Variants in CPNE4 observed in about 807,000 individuals in gnomAD.
CPNE4 encodes copine 4.
In CPNE4, 25 loss-of-function variants were observed where a neutral mutation model predicts 67.9. The ratio of observed to expected loss-of-function variants is 0.37; its 90% CI spans 0.27 to 0.51. The LOEUF (loss-of-function observed/expected upper bound fraction) is 0.51, where lower values mean the gene tolerates loss of function less well. Among genes scored for constraint, CPNE4 ranks in the 20% least tolerant of loss-of-function variants. CPNE4 has a pLI of 0.93. For synonymous variants in CPNE4, 242 were observed against 244.9 expected, an observed-to-expected ratio of 0.99 and a Z score of 0.11; for missense variants, 464 against 690.8, an observed-to-expected ratio of 0.67 and a Z score of 3.68.
intron 2 of CPNE4, among the ~76,000 whole-genome samples, chr3:131,790,960 C>A (rs1185473431): frequency 6.6e-6 from 1 of 152,018 alleles, no homozygotes; most frequent in Non-Finnish European, 1.5e-5. Flanking sequence ...AAAAAATTTC[C>A]ATAACTCAAA....
At chr3:132,027,952 G>T (rs771236489) in intron 1 of CPNE4, among the ~76,000 whole-genome samples, 1 of 152,038 alleles carries the variant, frequency 6.6e-6, no homozygotes, top group Non-Finnish European at 1.5e-5. Flanking sequence ...GATTGTTTCA[G>T]ACCCATCACT....
At chr3:131,880,947 A>C (rs2087650924) in intron 2 of CPNE4, among the ~76,000 whole-genome samples, 1 of 152,208 alleles carries the variant, frequency 6.6e-6, no homozygotes, top group South Asian at 2.1e-4. Context: ...TTGCACTCTA[A>C]GAAAAAAGTA....
chr3:131,801,900 G>A (rs114828212), intron 2 of CPNE4, among the ~76,000 whole-genome samples: 1,102 of 21,810 alleles, frequency 0.051, 1 homozygote, highest in Middle Eastern at 0.1. Context: ...AAAAAAAAAA[G>A]AATGTAGACA....
chr3:132,008,680 T>A (rs1113077), intron 1 of CPNE4, among the ~76,000 whole-genome samples: 90,280 of 152,146 alleles, frequency 0.59, 27,643 homozygotes, highest in South Asian at 0.7. Flanking sequence ...CCATAAATTC[T>A]TTTATGAAGA....
chr3:131,949,269 C>T (rs2071649400), intron 1 of CPNE4, among the ~76,000 whole-genome samples: 1 of 152,096 alleles, frequency 6.6e-6, no homozygotes, highest in East Asian at 1.9e-4. Flanking sequence ...TAAGGTACTC[C>T]CTTCACCCAC....
chr3:131,844,345 C>T (rs896666870), intron 2 of CPNE4, among the ~76,000 whole-genome samples: 7 of 151,702 alleles, frequency 4.6e-5, no homozygotes, highest in African/African-American at 1.7e-4. Flanking sequence ...CAGCTCACTG[C>T]AACCTCTGCC....
At chr3:131,759,328 G>A (rs2082832825) in intron 2 of CPNE4, among the ~76,000 whole-genome samples, 2 of 152,160 alleles carry the variant, frequency 1.3e-5, no homozygotes, top group African/African-American at 4.8e-5. Flanking sequence ...ACCCTCATCA[G>A]AATCCTCATC....
At chr3:131,612,809 T>C (rs1046501473) in intron 7 of CPNE4, among the ~76,000 whole-genome samples, 2 of 152,190 alleles carry the variant, frequency 1.3e-5, no homozygotes, top group African/African-American at 2.4e-5. Context: ...TTAAAACCTA[T>C]TTCCTATTGT....
chr3:131,905,788 G>A (rs1583433390), intron 1 of CPNE4, among the ~76,000 whole-genome samples: 1 of 152,180 alleles, frequency 6.6e-6, no homozygotes, highest in African/African-American at 2.4e-5. Flanking sequence ...TGTATGGCTT[G>A]TGTGAAATTG....
rs79903768 is a variant in CPNE4, at chr3:131,641,788, T to C, written c.681+27887A>G. On this transcript the variant is annotated intron_variant, in intron 7 of 15. Transcript: ENST00000429747. ...ACCCATCAATCAACCAGTGGATAAA[T>C]TGTGGTATTTATATATACCATGGAA... Among the ~76,000 whole-genome samples the C allele has an allele frequency of 4.5e-3, 680 of 152,186 alleles. 7 individuals carry two copies. The highest frequency in any genetic ancestry group is 0.014 in the African/African-American group (596 of 41,550).
intron 3 of CPNE4, among the ~76,000 whole-genome samples, chr3:131,714,812 A>G (rs1371544244): frequency 6.6e-6 from 1 of 152,140 alleles, no homozygotes; most frequent in Non-Finnish European, 1.5e-5. Context: ...CTGCCCTGAG[A>G]GAAGATGGTA....
intron 1 of CPNE4, among the ~76,000 whole-genome samples, chr3:131,913,853 T>C (rs2089080427): frequency 6.6e-6 from 1 of 152,200 alleles, no homozygotes; most frequent in Non-Finnish European, 1.5e-5. Context: ...AAAATGGGGA[T>C]AATAATAGTT....
intron 7 of CPNE4, among the ~76,000 whole-genome samples, chr3:131,591,597 C>T (rs1938535898): frequency 6.6e-6 from 1 of 152,194 alleles, no homozygotes. Flanking sequence ...CTTGGCAGAA[C>T]TCCATCAGGG....
intron 7 of CPNE4, among the ~76,000 whole-genome samples, chr3:131,644,571 G>A (rs2079617748): frequency 6.6e-6 from 1 of 152,116 alleles, no homozygotes. Context: ...CATTTTCCAT[G>A]TCCAGATTTT....
chr3:131,717,800 C>T (rs116045133), intron 3 of CPNE4, among the ~76,000 whole-genome samples: 5,222 of 151,710 alleles, frequency 0.034, 254 homozygotes, highest in African/African-American at 0.099. Context: ...CTGCCATCCA[C>T]CGTTTATGGG....
chr3:131,972,959 A>AT (rs150015445), intron 1 of CPNE4, among the ~76,000 whole-genome samples: 4 of 152,092 alleles, frequency 2.6e-5, no homozygotes, highest in Non-Finnish European at 5.9e-5. Flanking sequence ...TTTCTCATAT[A>AT]TTTTTTTAAA....
At chr3:131,595,853 A>C (rs557178701) in intron 7 of CPNE4, among the ~76,000 whole-genome samples, 2 of 152,310 alleles carry the variant, frequency 1.3e-5, no homozygotes, top group African/African-American at 4.8e-5. Flanking sequence ...GTGAGCGTGG[A>C]GAACATTATG....
chr3:131,561,936 C>G (rs755639746), intron 11 of CPNE4, among the ~76,000 whole-genome samples: 1 of 151,998 alleles, frequency 6.6e-6, no homozygotes, highest in Non-Finnish European at 1.5e-5. Flanking sequence ...TGGAGTTTTT[C>G]AATCCTCCTT....
At chr3:131,735,584 TTC>T (rs1389406283) in intron 2 of CPNE4, among the ~76,000 whole-genome samples, 5 of 152,244 alleles carry the variant, frequency 3.3e-5, no homozygotes, top group Admixed American at 2.0e-4. Flanking sequence ...AGCCCTCTCT[TTC>T]TCTGTCATGA....
Sources: allele counts gnomAD v4.1 joint callset (sites outside exome capture counted in the v4.1 genomes callset), GRCh38; gene constraint gnomAD v4.1.1; transcripts MANE v1.5; gene names NCBI Gene and HGNC (gene_info 2026-07-23, HGNC 2026-07-21).